Variants in DCAF5 observed in about 807,000 individuals in gnomAD.
DCAF5 encodes DDB1- and CUL4-associated factor 5.
In DCAF5, 9 loss-of-function variants were observed where a neutral mutation model predicts 80.7. That is an observed-to-expected ratio of 0.11 (90% CI 0.07 to 0.19). DCAF5 has a LOEUF of 0.19. Among genes scored for constraint, DCAF5 ranks in the 10% least tolerant of loss-of-function variants. The pLI is 1.00. For synonymous variants in DCAF5, 433 were observed against 461.9 expected, an observed-to-expected ratio of 0.94 and a Z score of 0.80; for missense variants, 842 against 1,205.7, an observed-to-expected ratio of 0.70 and a Z score of 4.47.
At chr14:69,119,470 GTATTA>G (rs1460573100) in intron 2 of DCAF5, among the ~76,000 whole-genome samples, 1 of 147,406 alleles carries the variant, frequency 6.8e-6, no homozygotes, top group Non-Finnish European at 1.5e-5. Context: ...TTCCCAATGT[GTATTA>G]TCCAGTGGAT....
At chr14:69,136,932 C>T (rs2041213832) in intron 1 of DCAF5, among the ~76,000 whole-genome samples, 1 of 152,110 alleles carries the variant, frequency 6.6e-6, no homozygotes, top group Admixed American at 6.5e-5. Flanking sequence ...CCAGAGGTGG[C>T]CTACTTTCAA....
At chr14:69,104,718 G>A (rs1423908589) in intron 5 of DCAF5, among the ~76,000 whole-genome samples, 1 of 152,000 alleles carries the variant, frequency 6.6e-6, no homozygotes, top group Admixed American at 6.6e-5. Flanking sequence ...TTAGCCGAGT[G>A]TAGCAGCGGG....
At chr14:69,116,552 G>A (rs973545030) in intron 4 of DCAF5, 57 bp from the exon 5 acceptor site, 15 of 1,585,074 alleles carry the variant, frequency 9.5e-6, no homozygotes, top group Non-Finnish European at 1.3e-5. Context: ...CCACTGGCAG[G>A]CAGATAATCA....
intron 5 of DCAF5, among the ~76,000 whole-genome samples, chr14:69,096,997 G>T (rs767622786): frequency 8.6e-5 from 13 of 152,010 alleles, no homozygotes; most frequent in Non-Finnish European, 1.8e-4. Context: ...GCAGAAGGAG[G>T]GGGTGGGAGG....
chr14:69,151,702 GA>G (rs1299101596), intron 1 of DCAF5, among the ~76,000 whole-genome samples: 1 of 151,986 alleles, frequency 6.6e-6, no homozygotes, highest in Non-Finnish European at 1.5e-5. Flanking sequence ...AGGAGGGGAC[GA>G]CGGCGGCGAG....
rs192861806 is a variant in DCAF5, at chr14:69,144,504, G to A, written c.214+8261C>T. Among the ~76,000 whole-genome samples the A allele has an allele frequency of 4.0e-3, 611 of 151,938 alleles. 5 individuals are homozygous for A. Among genetic ancestry groups the A allele is most frequent in the African/African-American group, 0.014 (590 of 41,410 alleles). Reference sequence around the variant, plus strand: ...GGAGAATGGCATGAACCTGGGAGGTGGAGCTTGCAGTGAGCCGAGATCGCA... The same window carrying A: ...GGAGAATGGCATGAACCTGGGAGGTAGAGCTTGCAGTGAGCCGAGATCGCA... On this transcript the variant is annotated intron_variant, in intron 1 of 8. Coordinates refer to ENST00000341516, the MANE Select transcript of DCAF5 (RefSeq NM_003861.3).
intron 5 of DCAF5, among the ~76,000 whole-genome samples, chr14:69,098,935 A>G (rs951422417): frequency 6.7e-6 from 1 of 149,924 alleles, no homozygotes; most frequent in Non-Finnish European, 1.5e-5. Flanking sequence ...AAAAAGAAAA[A>G]CACTGACTTA....
chr14:69,106,442 C>T (rs946520241), intron 5 of DCAF5, among the ~76,000 whole-genome samples: 3 of 152,096 alleles, frequency 2.0e-5, no homozygotes, highest in African/African-American at 7.2e-5. Flanking sequence ...AATCATGGCT[C>T]ACTGCAGCCT....
Position 69,111,431 on chromosome 14 carries a change from T to C in DCAF5, c.665+4935A>G, listed in dbSNP as rs1413466324. ...TAGGGATTCTCGGCTTGCCCCAGTT[T>C]TATTATTGAGTGGGGAAAAAACCAC... On this transcript the variant is annotated intron_variant, in intron 5 of 8. Transcript: ENST00000341516. Among the ~76,000 whole-genome samples, 4 of 152,188 alleles carry C rather than the reference T, an allele frequency of 2.6e-5. No homozygotes were observed. In the East Asian group the frequency reaches 5.8e-4, roughly 22 times the overall value.
chr14:69,066,652 A>C (rs1247444964), intron 7 of DCAF5, among the ~76,000 whole-genome samples: 2 of 152,196 alleles, frequency 1.3e-5, no homozygotes, highest in Non-Finnish European at 2.9e-5. Flanking sequence ...CCCAGGGGAA[A>C]ACACCTTGCT....
At position 69,075,328 on chromosome 14, in the gene DCAF5, G is replaced by A. The variant is rs1396592385; in HGVS notation, c.946+17C>T. ...GAGCCAGCAATAGCAGTACATTCAT[G>A]TGAAGGATATACTTGCCTGCTTCTG... On this transcript the variant is annotated intron_variant, in intron 7 of 8. Transcript: ENST00000341516. 1.2e-6 allele frequency: 2 copies of A among 1,600,872 alleles called. No individual in the cohort carries two copies. The highest frequency in any genetic ancestry group is 2.2e-5 in the South Asian group (2 of 89,300).
chr14:69,053,537 A>C lies in DCAF5; in HGVS notation c.*320T>G, dbSNP rs1210587899. 3 of 279,592 alleles carry C rather than the reference A, an allele frequency of 1.1e-5. No homozygotes were observed. Among genetic ancestry groups the C allele is most frequent in the Admixed American group, 4.9e-5 (1 of 20,592 alleles). The allele number at this position is 279,592 out of a possible 1,614,324, so 17.3% of individuals were successfully genotyped here. A position where few individuals can be genotyped will look rare whatever the true frequency, so the allele number is the denominator to read the frequency against. On this transcript the variant is annotated 3_prime_UTR_variant, in exon 9 of 9. Transcript: ENST00000341516. ...AGCGCACACGTGCCATTGTGCGTAC[A>C]CAAGAACAAGTCGAACGTCTCAACA... is the stretch of plus-strand genomic sequence containing the variant.
intron 1 of DCAF5, among the ~76,000 whole-genome samples, chr14:69,127,606 A>C (rs1314996278): frequency 6.6e-6 from 1 of 152,240 alleles, no homozygotes; most frequent in Non-Finnish European, 1.5e-5. Context: ...TACAATACCA[A>C]AAGTGAACTC....
intron 1 of DCAF5, among the ~76,000 whole-genome samples, chr14:69,123,659 A>G (rs908217226): frequency 7.9e-5 from 12 of 152,114 alleles, no homozygotes; most frequent in Admixed American, 7.9e-4. Flanking sequence ...GAAATACTGT[A>G]CCCAATAAAC....
At chr14:69,095,826 C>T (rs192672629) in intron 5 of DCAF5, among the ~76,000 whole-genome samples, 1 of 152,260 alleles carries the variant, frequency 6.6e-6, no homozygotes, top group East Asian at 1.9e-4. Flanking sequence ...CAAGATTTTC[C>T]AAAGACCACT....
chr14:69,109,291 T>C (rs1298335382), intron 5 of DCAF5, among the ~76,000 whole-genome samples: 2 of 150,956 alleles, frequency 1.3e-5, no homozygotes, highest in East Asian at 3.9e-4. Context: ...TTGCAGTGAG[T>C]TGAGATCGCG....
chr14:69,073,618 C>T (rs147380207), intron 7 of DCAF5, among the ~76,000 whole-genome samples: 26 of 152,156 alleles, frequency 1.7e-4, no homozygotes, highest in Non-Finnish European at 3.2e-4. Flanking sequence ...TGCCACTCCA[C>T]TCCAGCCTGG....
intron 5 of DCAF5, among the ~76,000 whole-genome samples, chr14:69,111,809 T>C (rs1466826838): frequency 6.6e-6 from 1 of 152,220 alleles, no homozygotes; most frequent in African/African-American, 2.4e-5. Context: ...TGTACACTTG[T>C]AAGTGTGAAA....
intron 1 of DCAF5, among the ~76,000 whole-genome samples, chr14:69,139,055 G>A (rs2041276605): frequency 6.6e-6 from 1 of 152,142 alleles, no homozygotes; most frequent in South Asian, 2.1e-4. Context: ...AGAGGTTGAG[G>A]TGGGAGGATC....
Sources: allele counts gnomAD v4.1 joint callset (sites outside exome capture counted in the v4.1 genomes callset), GRCh38; gene constraint gnomAD v4.1.1; transcripts MANE v1.5; gene names NCBI Gene and HGNC (gene_info 2026-07-23, HGNC 2026-07-21).